Variants in CORO2B observed in about 807,000 individuals in gnomAD.
The protein encoded by CORO2B is coronin 2B.
Under a neutral mutation model 58.8 loss-of-function variants are expected in CORO2B, and 26 were observed. The ratio of observed to expected loss-of-function variants is 0.44; its 90% CI spans 0.32 to 0.61. CORO2B has a LOEUF of 0.61. Ranked by LOEUF, CORO2B falls within the 20% of genes least tolerant of loss-of-function variation. The pLI is 0.04. For missense variants in CORO2B, 460 were observed against 645.1 expected (o/e 0.71, Z 3.11); for synonymous variants, 242 against 253.8 (o/e 0.95, Z 0.44).
chr15:68,721,423 G>C (rs576902747), intron 11 of CORO2B, among the ~76,000 whole-genome samples: 1 of 152,104 alleles, frequency 6.6e-6, no homozygotes, highest in Non-Finnish European at 1.5e-5. Flanking sequence ...ATGGTCATAC[G>C]GGCTGGGCGC....
intron 2 of CORO2B, among the ~76,000 whole-genome samples, chr15:68,647,857 T>A (rs28820283): frequency 1.0e-4 from 14 of 136,508 alleles, no homozygotes; most frequent in South Asian, 2.4e-4. Flanking sequence ...TTCTACAAAT[T>A]AAAAAAAAAA....
intron 1 of CORO2B, among the ~76,000 whole-genome samples, chr15:68,600,447 A>G (rs1360352429): frequency 6.6e-6 from 1 of 152,076 alleles, no homozygotes; most frequent in Non-Finnish European, 1.5e-5. Flanking sequence ...AAGCTCCTCC[A>G]GCATGGATAA....
chr15:68,705,436 C>CAAAAAAAAA (rs35973911), intron 3 of CORO2B, among the ~76,000 whole-genome samples: 2 of 112,816 alleles, frequency 1.8e-5, no homozygotes, highest in African/African-American at 7.1e-5. Context: ...AACTCTATCT[C>CAAAAAAAAA]AAAAAAAAAA....
chr15:68,725,077 T>G (rs1163682140), intron 11 of CORO2B, among the ~76,000 whole-genome samples: 1 of 152,222 alleles, frequency 6.6e-6, no homozygotes, highest in Admixed American at 6.5e-5. Flanking sequence ...AGTTCTAAAT[T>G]ATCAGCACAA....
In CORO2B at chr15:68,632,038, T is replaced by C. The variant is rs193231681; in HGVS notation, c.16-13122T>C. 5.4e-4 allele frequency: 537 copies of C among 985,428 alleles called. 8 individuals carry two copies. In the African/African-American group the frequency reaches 8.7e-3, roughly 16 times the overall value. The allele number at this position is 985,428 out of a possible 1,614,324, so 61.0% of individuals were successfully genotyped here. A position where few individuals can be genotyped will look rare whatever the true frequency, so the allele number is the denominator to read the frequency against. On this transcript the variant is annotated intron_variant, in intron 1 of 11. Transcript: ENST00000261861. ...GAGGGAGGCAGGGCTAGAGGGTGAC[T>C]AGCAGCCAGGCCTCCCAGGCTCCCA...
chr15:68,686,853 C>T (rs1393394334), intron 2 of CORO2B, among the ~76,000 whole-genome samples: 1 of 151,274 alleles, frequency 6.6e-6, no homozygotes, highest in Non-Finnish European at 1.5e-5. Flanking sequence ...GAGCCAAGAT[C>T]GCACCATTGC....
At chr15:68,620,712 T>G (rs918593535) in intron 1 of CORO2B, among the ~76,000 whole-genome samples, 1 of 152,156 alleles carries the variant, frequency 6.6e-6, no homozygotes, top group Non-Finnish European at 1.5e-5. Context: ...TAATTATTTC[T>G]TTGTTTTGCA....
At chr15:68,678,566 C>G (rs993778220) in intron 2 of CORO2B, among the ~76,000 whole-genome samples, 4 of 152,130 alleles carry the variant, frequency 2.6e-5, no homozygotes. Flanking sequence ...CCCAGCTACT[C>G]AGTGGACTGA....
the CORO2B span, among the ~76,000 whole-genome samples, chr15:68,549,895 T>C: frequency 0.16 from 24,173 of 151,738 alleles, 2,270 homozygotes; most frequent in Middle Eastern, 0.25. Flanking sequence ...GAGCTGAGAT[T>C]GTGCCACTGC....
chr15:68,657,332 C>G (rs1901840734), intron 2 of CORO2B, among the ~76,000 whole-genome samples: 1 of 152,006 alleles, frequency 6.6e-6, no homozygotes, highest in Admixed American at 6.6e-5. Context: ...ACCTGGGCAA[C>G]ATAGCAAGAC....
chr15:68,545,017 C>T, the CORO2B span, among the ~76,000 whole-genome samples: 5 of 152,098 alleles, frequency 3.3e-5, no homozygotes, highest in East Asian at 3.9e-4. Flanking sequence ...CCTCGTGATC[C>T]GCCCACCTCG....
At chr15:68,597,569 C>T (rs1899867857) in intron 1 of CORO2B, among the ~76,000 whole-genome samples, 1 of 151,788 alleles carries the variant, frequency 6.6e-6, no homozygotes, top group Non-Finnish European at 1.5e-5. Flanking sequence ...GCTGTTTGGC[C>T]TCTCAAAAGC....
Position 68,711,577 on chromosome 15 carries a change from G to A in CORO2B, c.519G>A (p.Val173=), listed in dbSNP as rs1482013249. The part of the protein sequence containing the change: ...LIWNLDVGEP[V]KMIDCHTDVI... Reference sequence around the variant, plus strand: ...GGAACCTGGATGTGGGTGAGCCGGTGAAGATGATTGACTGCCACACGGATG... The same window carrying A: ...GGAACCTGGATGTGGGTGAGCCGGTAAAGATGATTGACTGCCACACGGATG... The change falls in exon 5 of 12, where the codon GTG becomes GTA. Residue 173 remains valine, a synonymous_variant. Transcript: ENST00000261861. 4 of 1,613,748 alleles carry A rather than the reference G, an allele frequency of 2.5e-6. No individual in the cohort carries two copies. Among genetic ancestry groups the A allele is most frequent in the Admixed American group, 1.7e-5 (1 of 59,896 alleles).
upstream of CORO2B, among the ~76,000 whole-genome samples, chr15:68,578,410 C>T (rs1899328792): frequency 1.3e-5 from 2 of 152,238 alleles, no homozygotes; most frequent in Non-Finnish European, 2.9e-5. The surrounding 1 kb of genome is among the most constrained non-coding windows in gnomAD (Gnocchi z 4.2). Flanking sequence ...CTGCAAAACT[C>T]ACTAAGGCGG....
chr15:68,593,864 C>A (rs1001587316), intron 1 of CORO2B, among the ~76,000 whole-genome samples: 1 of 152,020 alleles, frequency 6.6e-6, no homozygotes, highest in African/African-American at 2.4e-5. Flanking sequence ...ATGAGCCATC[C>A]TGACCTGAGA....
At chr15:68,574,541 G>C (rs542317399), upstream of CORO2B, among the ~76,000 whole-genome samples, 5 of 152,282 alleles carry the variant, frequency 3.3e-5, no homozygotes, top group Non-Finnish European at 5.9e-5. Context: ...ACATTAGGCA[G>C]GGCAGAGCCT....
At chr15:68,701,152 C>A (rs890461328) in intron 3 of CORO2B, among the ~76,000 whole-genome samples, 2 of 152,074 alleles carry the variant, frequency 1.3e-5, no homozygotes, top group African/African-American at 4.8e-5. Flanking sequence ...GGGGCCAGTG[C>A]GCCGAGTGGG....
At chr15:68,542,896 G>T in the CORO2B span, among the ~76,000 whole-genome samples, 1 of 152,236 alleles carries the variant, frequency 6.6e-6, no homozygotes, top group Non-Finnish European at 1.5e-5. Context: ...GCTTCCCTTT[G>T]TTATCTCTGC....
chr15:68,722,959 C>T (rs373991459), intron 11 of CORO2B, among the ~76,000 whole-genome samples: 5 of 151,352 alleles, frequency 3.3e-5, no homozygotes, highest in East Asian at 2.0e-4. Context: ...CCCAGCTACT[C>T]GGGAGGCTGA....
Sources: gnomAD v4.1 joint callset for allele counts (sites outside exome capture counted in the v4.1 genomes callset) on GRCh38, gnomAD v4.1.1 for gene constraint, Gnocchi (gnomAD v3.1) non-coding constraint, MANE v1.5 for transcripts, NCBI Gene and HGNC (gene_info 2026-07-23, HGNC 2026-07-21) for gene names.